The following IL1RAPL1 variants were observed in gnomAD, a reference collection of about 807,000 sequenced individuals.
IL1RAPL1 encodes the protein interleukin-1 receptor accessory protein-like 1.
A neutral mutation model predicts 48.4 loss-of-function variants in IL1RAPL1; 3 were observed. The observed-to-expected ratio is 0.06, with a 90% CI of 0.03 to 0.16. The LOEUF (loss-of-function observed/expected upper bound fraction) is 0.16. Among genes scored for constraint, IL1RAPL1 ranks in the 10% least tolerant of loss-of-function variants. The pLI is 1.00. For missense variants in IL1RAPL1, 349 were observed against 530.6 expected, an observed-to-expected ratio of 0.66 and a Z score of 3.36; for synonymous variants, 185 against 187.7, an observed-to-expected ratio of 0.99 and a Z score of 0.12.
chrX:28,710,178 G>T (rs1935423393), intron 1 of IL1RAPL1, among the ~76,000 whole-genome samples: 1 of 111,285 alleles, frequency 9.0e-6, no homozygotes, highest in African/African-American at 3.3e-5. Context: ...TACTGTAGTG[G>T]ACCAAACATG....
chrX:28,651,494 C>G (rs1171206990), intron 1 of IL1RAPL1, among the ~76,000 whole-genome samples: 1 of 112,172 alleles, frequency 8.9e-6, no homozygotes, highest in Non-Finnish European at 1.9e-5. Flanking sequence ...AAGCCCTGAC[C>G]TAGATGATTA....
chrX:29,058,251 C>T (rs1156933025), intron 2 of IL1RAPL1, among the ~76,000 whole-genome samples: 2 of 110,549 alleles, frequency 1.8e-5, no homozygotes, highest in Admixed American at 1.9e-4. Flanking sequence ...GTGGCACACA[C>T]CTGTAGTCCC....
intron 2 of IL1RAPL1, among the ~76,000 whole-genome samples, chrX:28,805,394 T>C (rs2147273206): frequency 9.0e-6 from 1 of 111,370 alleles, no homozygotes; most frequent in Non-Finnish European, 1.9e-5. Context: ...TCTTTTGCAG[T>C]GTGGATTCCG....
intron 2 of IL1RAPL1, among the ~76,000 whole-genome samples, chrX:29,187,707 A>T (rs890895823): frequency 7.2e-5 from 8 of 111,678 alleles, no homozygotes; most frequent in African/African-American, 2.6e-4. Flanking sequence ...TTTTCTCCTA[A>T]CACCTTTCAT....
intron 6 of IL1RAPL1, among the ~76,000 whole-genome samples, chrX:29,895,278 C>T (rs1242446424): frequency 9.0e-6 from 1 of 111,575 alleles, no homozygotes; most frequent in Non-Finnish European, 1.9e-5. Flanking sequence ...AAGCTGGGCA[C>T]AGTGGCTCAT....
intron 6 of IL1RAPL1, among the ~76,000 whole-genome samples, chrX:29,897,794 A>T (rs1932416200): frequency 8.9e-6 from 1 of 111,785 alleles, no homozygotes. Flanking sequence ...TTTTCAAAGG[A>T]TGTTTAGAGT....
intron 6 of IL1RAPL1, among the ~76,000 whole-genome samples, chrX:29,720,659 G>A (rs1378376513): frequency 9.0e-6 from 1 of 110,802 alleles, no homozygotes. Context: ...TGTAGATAAC[G>A]GGTTGATGGG....
At chrX:29,646,567 C>A (rs1430223984) in intron 5 of IL1RAPL1, among the ~76,000 whole-genome samples, 1 of 111,211 alleles carries the variant, frequency 9.0e-6, no homozygotes, top group Non-Finnish European at 1.9e-5. Context: ...ACTGTCAAAT[C>A]TGCAGAAAGA....
intron 2 of IL1RAPL1, among the ~76,000 whole-genome samples, chrX:29,282,308 G>A (rs750283049): frequency 1.8e-5 from 2 of 112,316 alleles, no homozygotes; most frequent in Non-Finnish European, 3.8e-5. Context: ...TATTGGGAAG[G>A]TACAACCATA....
At chrX:29,202,908 T>C (rs2147535076) in intron 2 of IL1RAPL1, among the ~76,000 whole-genome samples, 1 of 111,152 alleles carries the variant, frequency 9.0e-6, no homozygotes, top group African/African-American at 3.3e-5. Flanking sequence ...CCTTATTGGG[T>C]ATTGTGCCTA....
chrX:29,238,535 T>C (rs1381080452), intron 2 of IL1RAPL1, among the ~76,000 whole-genome samples: 1 of 111,329 alleles, frequency 9.0e-6, no homozygotes, highest in African/African-American at 3.3e-5. Flanking sequence ...CCATTTCTAA[T>C]CTCATTCTTG....
chrX:29,883,712 A>G (rs1229525337), intron 6 of IL1RAPL1, among the ~76,000 whole-genome samples: 1 of 111,766 alleles, frequency 8.9e-6, no homozygotes, highest in Non-Finnish European at 1.9e-5. Context: ...CCAGCCTTTT[A>G]TGAATTCAAA....
chrX:28,797,192 G>C (rs372846316), intron 2 of IL1RAPL1, among the ~76,000 whole-genome samples: 2 of 111,057 alleles, frequency 1.8e-5, no homozygotes, highest in East Asian at 5.7e-4. Context: ...TAAACCTCTG[G>C]GCCTATGATG....
At chrX:29,298,572 C>T (rs1379736960) in intron 3 of IL1RAPL1, among the ~76,000 whole-genome samples, 1 of 111,919 alleles carries the variant, frequency 8.9e-6, no homozygotes, top group East Asian at 2.8e-4. Context: ...ACCTTTCTTC[C>T]TTCCCAAATT....
intron 3 of IL1RAPL1, among the ~76,000 whole-genome samples, chrX:29,388,164 A>G (rs1256725397): frequency 9.8e-6 from 1 of 101,583 alleles, no homozygotes; most frequent in Non-Finnish European, 2.0e-5. Flanking sequence ...CTAATAGTTC[A>G]TTCATTTATT....
At chrX:28,776,504 C>T (rs1318062871) in intron 1 of IL1RAPL1, among the ~76,000 whole-genome samples, 3 of 112,079 alleles carry the variant, frequency 2.7e-5, no homozygotes, top group Non-Finnish European at 5.6e-5. Context: ...CTTAGAATTT[C>T]AGTCCATGCA....
chrX:29,237,537 G>C (rs538724109), intron 2 of IL1RAPL1, among the ~76,000 whole-genome samples: 1 of 112,536 alleles, frequency 8.9e-6, no homozygotes, highest in Non-Finnish European at 1.9e-5. Flanking sequence ...TTTTATTAAT[G>C]TATATTCCAT....
At chrX:29,418,647 TGAAGTA>T (rs781366957) in intron 5 of IL1RAPL1, among the ~76,000 whole-genome samples, 53 of 111,237 alleles carry the variant, frequency 4.8e-4, no homozygotes, top group Non-Finnish European at 9.2e-4. Flanking sequence ...ATGAAGGAAG[TGAAGTA>T]GAAGATATAT....
intron 5 of IL1RAPL1, among the ~76,000 whole-genome samples, chrX:29,432,459 T>A: frequency 9.0e-6 from 1 of 111,149 alleles, no homozygotes; most frequent in Non-Finnish European, 1.9e-5. Context: ...CCTCATCTCT[T>A]TGAGCAACTC....
Sources: gnomAD v4.1 joint callset for allele counts (sites outside exome capture counted in the v4.1 genomes callset) on GRCh38, gnomAD v4.1.1 for gene constraint, MANE v1.5 for transcripts, NCBI Gene and HGNC (gene_info 2026-07-23, HGNC 2026-07-21) for gene names.